GABPB2: variants seen among roughly 807,000 people sequenced by gnomAD.
GABPB2 encodes GA-binding protein subunit beta-2.
Under a neutral mutation model 39.1 loss-of-function variants are expected in GABPB2, and 23 were observed. The ratio of observed to expected loss-of-function variants is 0.59; its 90% CI spans 0.42 to 0.83. The LOEUF is 0.83. GABPB2 is among the 40% of genes least tolerant of loss of function. GABPB2 has a pLI of 0.00. For synonymous variants in GABPB2, 184 were observed against 199.3 expected (o/e 0.92, Z 0.65); for missense variants, 467 against 541.1 (o/e 0.86, Z 1.36).
In GABPB2 at chr1:151,093,346, C is replaced by T. The variant is rs750139469; in HGVS notation, c.431C>T (p.Ala144Val). Reference protein sequence around the residue: ...SKFDKSAFDIALEKNNAEILV... With the variant: ...SKFDKSAFDIVLEKNNAEILV... ...TTTGATAAATCAGCCTTTGACATAGCTCTGGAGAAAAACAATGCTGAGATT... is the reference window on the plus strand; with the variant it reads ...TTTGATAAATCAGCCTTTGACATAGTTCTGGAGAAAAACAATGCTGAGATT... The change falls in exon 4 of 9, where the codon GCT (alanine) becomes GTT (valine). Residue 144 changes from alanine (A) to valine (V), a missense_variant. Ala to Val is a moderately conservative substitution (Grantham distance 64). Transcript: ENST00000368918. The T allele has an allele frequency of 1.2e-6, 2 of 1,606,240 alleles. No individual in the cohort carries two copies. The highest frequency in any genetic ancestry group is 2.2e-5 in the South Asian group (2 of 89,500).
intron 7 of GABPB2, among the ~76,000 whole-genome samples, chr1:151,108,478 T>C (rs1240532872): frequency 6.6e-6 from 1 of 152,184 alleles, no homozygotes; most frequent in African/African-American, 2.4e-5. Context: ...AGTGATGTTG[T>C]GTACCTTTTG....
chr1:151,117,234 A>T (rs752757873), intron 7 of GABPB2, among the ~76,000 whole-genome samples, 158 bp from the exon 8 acceptor site: 1 of 152,122 alleles, frequency 6.6e-6, no homozygotes, highest in Non-Finnish European at 1.5e-5. Context: ...GGATTCAAGA[A>T]GTCCTCCAGT....
chr1:151,088,922 C>T (rs1678437292), intron 2 of GABPB2, among the ~76,000 whole-genome samples: 1 of 151,964 alleles, frequency 6.6e-6, no homozygotes, highest in Admixed American at 6.6e-5. Context: ...ATCGCGTGAA[C>T]TCGGGAGGTG....
At chr1:151,082,916 C>T (rs1367034330) in intron 1 of GABPB2, among the ~76,000 whole-genome samples, 1 of 150,094 alleles carries the variant, frequency 6.7e-6, no homozygotes, top group Non-Finnish European at 1.5e-5. Flanking sequence ...TTCAAGGCTG[C>T]AGTGAGCTAT....
At chr1:151,073,870 A>G (rs1213546388) in intron 1 of GABPB2, among the ~76,000 whole-genome samples, 2 of 152,082 alleles carry the variant, frequency 1.3e-5, no homozygotes, top group African/African-American at 4.8e-5. Flanking sequence ...CAGTGAGCCA[A>G]GATCGCGCCA....
Position 151,090,458 on chromosome 1 carries a change from C to T in GABPB2, c.161C>T (p.Ala54Val). The T allele has an allele frequency of 2.5e-6, 4 of 1,614,046 alleles. No homozygotes were observed. The highest frequency in any genetic ancestry group is 1.3e-5 in the African/African-American group (1 of 75,018). ...LAAQYGHYST[A>V]EVLLRAGVSR... is the part of the protein sequence containing the mutation. ...GCTCAATATGGTCATTATTCCACAGCAGAAGTACTCCTTCGAGCAGGTGTT... is the reference window on the plus strand; with the variant it reads ...GCTCAATATGGTCATTATTCCACAGTAGAAGTACTCCTTCGAGCAGGTGTT... Residue 54 changes from alanine (A) to valine (V), a missense_variant, in exon 3 of 9, where the codon GCA becomes GTA. By Grantham distance (64) the Ala-to-Val change is moderately conservative. Transcript: ENST00000368918.
intron 4 of GABPB2, among the ~76,000 whole-genome samples, chr1:151,096,571 A>G (rs1420989449): frequency 2.0e-5 from 3 of 152,064 alleles, no homozygotes; most frequent in Non-Finnish European, 4.4e-5. Context: ...TCATAACTGG[A>G]CTTTTTAAAG....
chr1:151,071,432 C>G (rs1676704249), intron 1 of GABPB2, among the ~76,000 whole-genome samples: 1 of 149,918 alleles, frequency 6.7e-6, no homozygotes, highest in African/African-American at 2.5e-5. Context: ...GCAGTACGGG[C>G]CCCGCCTCTG....
intron 7 of GABPB2, among the ~76,000 whole-genome samples, chr1:151,115,140 C>A (rs779881636): frequency 1.3e-5 from 2 of 152,046 alleles, no homozygotes; most frequent in African/African-American, 4.8e-5. Context: ...TTGGGCGGAT[C>A]ACCTGAGGTC....
chr1:151,123,680 G>A lies in GABPB2; in HGVS notation c.*5424G>A, dbSNP rs2101587802. On this transcript the variant is annotated 3_prime_UTR_variant, in exon 9 of 9. Transcript: ENST00000368918. Reference sequence around the variant, plus strand: ...ATCCTGGCTAACACAGTGAAACCCTGGCCCTACTAAAAATACAAAAAATTA... The same window carrying A: ...ATCCTGGCTAACACAGTGAAACCCTAGCCCTACTAAAAATACAAAAAATTA... 1 of 151,492 alleles carries A rather than the reference G, an allele frequency of 6.6e-6. No homozygotes were observed. The highest frequency in any genetic ancestry group is 2.0e-4 in the East Asian group (1 of 5,128). 9.4% of individuals were successfully genotyped at this position (151,492 alleles called of 1,614,324 possible).
chr1:151,118,371 G>C lies in GABPB2; in HGVS notation c.*115G>C, dbSNP rs897921545. The C allele has an allele frequency of 3.9e-6, 4 of 1,017,672 alleles. No individual in the cohort carries two copies. In the African/African-American group the frequency reaches 6.5e-5, roughly 17 times the overall value. The allele number at this position is 1,017,672 out of a possible 1,614,324, so 63.0% of individuals were successfully genotyped here. ...GAGTGTCTTTAAGAAGAAAACTATAGCAGGGTACAATGCTTGGGCTCAGGA... is the reference window on the plus strand; with the variant it reads ...GAGTGTCTTTAAGAAGAAAACTATACCAGGGTACAATGCTTGGGCTCAGGA... On this transcript the variant is annotated 3_prime_UTR_variant, in exon 9 of 9. Transcript: ENST00000368918.
At chr1:151,091,981 A>G (rs1431426641) in intron 3 of GABPB2, among the ~76,000 whole-genome samples, 1 of 151,170 alleles carries the variant, frequency 6.6e-6, no homozygotes, top group African/African-American at 2.4e-5. Flanking sequence ...TGTAGAGAAT[A>G]GGGTCTCGTT....
Position 151,093,009 on chromosome 1 carries a change from GA to G in GABPB2, c.277-180del, listed in dbSNP as rs1323341158. Among the ~76,000 whole-genome samples the G allele has an allele frequency of 2.0e-5, 3 of 152,262 alleles. No homozygotes were observed. The East Asian group carries it at 5.8e-4, about 29-fold the overall frequency. On this transcript the variant is annotated intron_variant, in intron 3 of 8. Transcript: ENST00000368918. ...GATGTCCTTAGAGGACCCACTCGTT[GA>G]AAGCATTATGTCTGTCAGCATTTAG...
chr1:151,083,069 G>T (rs587662966), intron 1 of GABPB2, among the ~76,000 whole-genome samples: 1 of 151,944 alleles, frequency 6.6e-6, no homozygotes, highest in East Asian at 1.9e-4. Context: ...AAAACCCATT[G>T]ATCTTTCACT....
intron 4 of GABPB2, 115 bp downstream of exon 4, chr1:151,093,501 T>C (rs1052064829): frequency 1.5e-6 from 1 of 681,496 alleles, no homozygotes; most frequent in East Asian, 2.9e-5. Context: ...ACTTCTAATA[T>C]GTCTCAATCT....
At chr1:151,113,031 C>T (rs867002629) in intron 7 of GABPB2, among the ~76,000 whole-genome samples, 1 of 151,748 alleles carries the variant, frequency 6.6e-6, no homozygotes, top group African/African-American at 2.4e-5. Flanking sequence ...CCCACCTCAG[C>T]CCCTAAAGTG....
intron 1 of GABPB2, among the ~76,000 whole-genome samples, chr1:151,074,491 T>G (rs1230572640): frequency 6.7e-6 from 1 of 149,082 alleles, no homozygotes; most frequent in Non-Finnish European, 1.5e-5. Flanking sequence ...TTTTTTTTTT[T>G]TGTATTTTTA....
At chr1:151,108,742 A>C (rs1571974426) in intron 7 of GABPB2, among the ~76,000 whole-genome samples, 1 of 152,168 alleles carries the variant, frequency 6.6e-6, no homozygotes, top group African/African-American at 2.4e-5. Flanking sequence ...ATTGGGTACT[A>C]AGGATGAGTG....
chr1:151,107,466 C>A (rs1473789658), intron 7 of GABPB2, among the ~76,000 whole-genome samples: 2 of 148,954 alleles, frequency 1.3e-5, no homozygotes, highest in African/African-American at 2.5e-5. Flanking sequence ...TAATATGAAC[C>A]AATAGTTCAC....
Sources: gnomAD v4.1 joint callset for allele counts (sites outside exome capture counted in the v4.1 genomes callset) on GRCh38, gnomAD v4.1.1 for gene constraint, MANE v1.5 for transcripts, NCBI Gene and HGNC (gene_info 2026-07-23, HGNC 2026-07-21) for gene names.